Variants in LEPR observed in about 807,000 individuals in gnomAD.
The protein encoded by LEPR is leptin receptor.
In LEPR, 56 loss-of-function variants were observed where a neutral mutation model predicts 114.7. The observed-to-expected ratio is 0.49, with a 90% CI of 0.39 to 0.61. The LOEUF (loss-of-function observed/expected upper bound fraction) is 0.61, where lower values mean the gene tolerates loss of function less well. Ranked by LOEUF, LEPR falls within the 20% of genes least tolerant of loss-of-function variation. LEPR has a pLI of 0.00. For missense variants in LEPR, 1,202 were observed against 1,352.9 expected, an observed-to-expected ratio of 0.89 and a Z score of 1.75; for synonymous variants, 443 against 461.4, an observed-to-expected ratio of 0.96 and a Z score of 0.51.
intron 2 of LEPR, among the ~76,000 whole-genome samples, chr1:65,449,381 T>A (rs1444538642): frequency 6.6e-6 from 1 of 151,902 alleles, no homozygotes; most frequent in Non-Finnish European, 1.5e-5. Context: ...GGGCAAGGGC[T>A]AAGCCTCAGG....
chr1:65,438,692 GA>G (rs906537598), intron 2 of LEPR, among the ~76,000 whole-genome samples: 1 of 151,990 alleles, frequency 6.6e-6, no homozygotes, highest in Non-Finnish European at 1.5e-5. Context: ...ACAATGTCAG[GA>G]AAATTTTCTT....
At chr1:65,462,091 A>G (rs1646953261) in intron 2 of LEPR, among the ~76,000 whole-genome samples, 1 of 152,152 alleles carries the variant, frequency 6.6e-6, no homozygotes, top group Admixed American at 6.5e-5. Context: ...TGCTGCACCC[A>G]TCAACTCGTC....
chr1:65,452,367 G>A (rs1292652951), intron 2 of LEPR, among the ~76,000 whole-genome samples: 1 of 149,538 alleles, frequency 6.7e-6, no homozygotes, highest in Non-Finnish European at 1.5e-5. Flanking sequence ...AGTTTTCAAA[G>A]GGAATGCTTC....
intron 2 of LEPR, among the ~76,000 whole-genome samples, chr1:65,428,864 T>G (rs976023652): frequency 6.6e-6 from 1 of 152,114 alleles, no homozygotes; most frequent in Non-Finnish European, 1.5e-5. Context: ...TGTTGAAATT[T>G]GGGAGGAAAA....
chr1:65,444,364 C>T (rs533843782), intron 2 of LEPR, among the ~76,000 whole-genome samples: 7 of 152,176 alleles, frequency 4.6e-5, no homozygotes, highest in African/African-American at 1.7e-4. Context: ...TTGCTACCTC[C>T]CTGCAGGAGC....
chr1:65,420,654 G>C, upstream of LEPR: 3 of 1,539,442 alleles, frequency 1.9e-6, no homozygotes, highest in Non-Finnish European at 2.6e-6. Flanking sequence ...GGCGACTCCC[G>C]GTCTGGCTTG....
intron 2 of LEPR, among the ~76,000 whole-genome samples, chr1:65,534,380 CTTTAACTTCA>C (rs1190388485): frequency 3.3e-5 from 5 of 152,104 alleles, no homozygotes; most frequent in Non-Finnish European, 2.9e-5. Flanking sequence ...CCTTAGCTTA[CTTTAACTTCA>C]TTTAATACTC....
intron 3 of LEPR, among the ~76,000 whole-genome samples, chr1:65,568,661 AT>A (rs1308826424): frequency 6.6e-6 from 1 of 152,170 alleles, no homozygotes; most frequent in African/African-American, 2.4e-5. Flanking sequence ...TTTTGTTACA[AT>A]GATTTCTTTT....
intron 2 of LEPR, among the ~76,000 whole-genome samples, chr1:65,542,316 G>T (rs982219476): frequency 6.6e-6 from 1 of 151,436 alleles, no homozygotes; most frequent in African/African-American, 2.4e-5. Flanking sequence ...CTTTTTAAAC[G>T]TGAGAATAAA....
At chr1:65,538,684 TTC>T (rs1253509149) in intron 2 of LEPR, among the ~76,000 whole-genome samples, 5 of 152,128 alleles carry the variant, frequency 3.3e-5, no homozygotes, top group Admixed American at 2.6e-4. Flanking sequence ...TTGTTTTCCA[TTC>T]TCTTTCTTAC....
intron 2 of LEPR, among the ~76,000 whole-genome samples, chr1:65,510,968 C>T (rs1015954022): frequency 1.2e-4 from 18 of 152,258 alleles, no homozygotes; most frequent in African/African-American, 3.4e-4. Context: ...GCAATAGACA[C>T]TCCCACTGCA....
At chr1:65,485,168 AG>A (rs534862665) in intron 2 of LEPR, among the ~76,000 whole-genome samples, 3 of 152,240 alleles carry the variant, frequency 2.0e-5, no homozygotes, top group African/African-American at 7.2e-5. Flanking sequence ...AACTCCTCTA[AG>A]TCTCAATCTT....
chr1:65,509,787 C>T (rs1042272007), intron 2 of LEPR, among the ~76,000 whole-genome samples: 9 of 151,962 alleles, frequency 5.9e-5, no homozygotes, highest in Admixed American at 5.9e-4. Context: ...CTGACTTTAC[C>T]TTAAGAAAAA....
chr1:65,549,132 T>C (rs1197386786), intron 2 of LEPR, among the ~76,000 whole-genome samples: 1 of 151,630 alleles, frequency 6.6e-6, no homozygotes, highest in East Asian at 1.9e-4. Context: ...TGTTGAATAT[T>C]GGTCCCCACT....
At chr1:65,488,186 T>TCTCTC (rs1557619986) in intron 2 of LEPR, among the ~76,000 whole-genome samples, 1 of 20,812 alleles carries the variant, frequency 4.8e-5, no homozygotes, top group East Asian at 6.3e-4. Flanking sequence ...CTTTCTTTCT[T>TCTCTC]TCTTTCTTTC....
intron 19 of LEPR, chr1:65,634,958 A>G: frequency 1.2e-6 from 1 of 813,990 alleles, no homozygotes; most frequent in Non-Finnish European, 1.5e-6. Flanking sequence ...TTAATTCAGT[A>G]TTTGTCATTA....
chr1:65,524,122 G>A (rs1649782993), intron 2 of LEPR, among the ~76,000 whole-genome samples: 1 of 152,212 alleles, frequency 6.6e-6, no homozygotes, highest in Non-Finnish European at 1.5e-5. Flanking sequence ...AGCAGTGAGA[G>A]AATACATCTC....
At position 65,550,914 on chromosome 1, in the gene LEPR, C is replaced by G. The variant is rs560645877; in HGVS notation, c.-20-14632C>G. On this transcript the variant is annotated intron_variant, in intron 2 of 19. Transcript: ENST00000349533. ...GAAATCACCCGTCTTCTGCGTGGCT[C>G]ACACTGGGAGCTGTAGACCAGAGCT... Among the ~76,000 whole-genome samples the G allele has an allele frequency of 3.3e-5, 5 of 152,166 alleles. No individual in the cohort carries two copies. The South Asian group carries it at 8.3e-4, about 25-fold the overall frequency.
At chr1:65,543,448 G>A (rs1185476171) in intron 2 of LEPR, among the ~76,000 whole-genome samples, 1 of 152,008 alleles carries the variant, frequency 6.6e-6, no homozygotes, top group Non-Finnish European at 1.5e-5. Context: ...CTTTTGCTGT[G>A]CAGAAGCTGA....
Sources: allele counts gnomAD v4.1 joint callset (sites outside exome capture counted in the v4.1 genomes callset), GRCh38; gene constraint gnomAD v4.1.1; transcripts MANE v1.5; gene names NCBI Gene and HGNC (gene_info 2026-07-23, HGNC 2026-07-21).